ESRRA: variants seen among roughly 807,000 people sequenced by gnomAD.
ESRRA encodes the protein estrogen related receptor alpha.
A neutral mutation model predicts 35.6 loss-of-function variants in ESRRA; 7 were observed. The ratio of observed to expected loss-of-function variants is 0.20; its 90% CI spans 0.11 to 0.37. The LOEUF is 0.37. ESRRA is among the 10% of genes least tolerant of loss of function. The pLI, the probability that ESRRA is intolerant of heterozygous loss-of-function variation, is 1.00. For missense variants in ESRRA, 378 were observed against 561.7 expected (o/e 0.67, Z 3.31); for synonymous variants, 223 against 246.9 (o/e 0.90, Z 0.91).
In ESRRA at chr11:64,313,921, C is replaced by T. The variant is rs747115506; in HGVS notation, c.326-30C>T. The T allele has an allele frequency of 1.0e-5, 15 of 1,490,302 alleles. No individual in the cohort carries two copies. Among genetic ancestry groups the T allele is most frequent in the South Asian group, 2.5e-5 (2 of 80,316 alleles). 92.3% of individuals were successfully genotyped at this position (1,490,302 alleles called of 1,614,324 possible). On this transcript the variant is annotated intron_variant, in intron 2 of 6. Transcript: ENST00000000442. This position sits in a 1 kb window ranked among gnomAD's most constrained non-coding sequence, Gnocchi z 4.0. ...GGGTCCCCTCCCAGCCCCGGGAGGC[C>T]GCCACTGGAGCCCTGCCTCTTCCTG...
At chr11:64,314,157 C>A in intron 3 of ESRRA, 82 bp from the exon 4 acceptor site, 1 of 1,557,914 alleles carries the variant, frequency 6.4e-7, no homozygotes, top group Admixed American at 1.8e-5. Context: ...GGTGAGTGGA[C>A]TCGGGGAGGA....
rs1424318505 is a variant in ESRRA, at chr11:64,313,358, C to T, written c.326-593C>T. Among the ~76,000 whole-genome samples, 1 of 152,146 alleles carries T rather than the reference C, an allele frequency of 6.6e-6. No individual in the cohort carries two copies. The highest frequency in any genetic ancestry group is 2.4e-5 in the African/African-American group (1 of 41,424). On this transcript the variant is annotated intron_variant, in intron 2 of 6. Coordinates refer to ENST00000000442, the MANE Select transcript of ESRRA (RefSeq NM_004451.5). This position sits in a 1 kb window ranked among gnomAD's most constrained non-coding sequence, Gnocchi z 4.0. ...GGCAGCTGGAGAGATGGGTCTGGAG[C>T]TCACAGCAAGTCCAGGCTAGAGGTA...
chr11:64,306,887 C>T (rs1197108352), intron 1 of ESRRA: 3 of 327,074 alleles, frequency 9.2e-6, no homozygotes, highest in South Asian at 9.7e-5. Flanking sequence ...TTACCCTGCT[C>T]CCTGGCCTGG....
Position 64,316,002 on chromosome 11 carries a change from C to G in ESRRA, c.*36C>G. On this transcript the variant is annotated 3_prime_UTR_variant, in exon 7 of 7. Coordinates refer to ENST00000000442, the MANE Select transcript of ESRRA (RefSeq NM_004451.5). ...GGGACTGGTGGGGGTTCTGGCAGGA[C>G]CTGCCTAGCATGGGGTCAGCCCCAA... is the stretch of plus-strand genomic sequence containing the variant. 6.5e-7 allele frequency: 1 copy of G among 1,537,944 alleles called. No individual in the cohort carries two copies. The highest frequency in any genetic ancestry group is 8.8e-7 in the Non-Finnish European group (1 of 1,138,290).
intron 2 of ESRRA, among the ~76,000 whole-genome samples, chr11:64,310,800 G>A (rs1030033955): frequency 4.6e-5 from 7 of 151,912 alleles, no homozygotes; most frequent in African/African-American, 1.2e-4. Flanking sequence ...TGCCCTCCTC[G>A]GGCTTCCAAA....
Position 64,315,702 on chromosome 11 carries a change from T to C in ESRRA, c.1013-5T>C. ...GGCCAACACCACATTCCTCTCTTCT[T>C]GCAGACTCTGTGCACATCGAAGATG... On this transcript the variant is annotated splice_polypyrimidine_tract_variant and splice_region_variant and intron_variant, in intron 6 of 6. Transcript: ENST00000000442. 1 of 1,613,490 alleles carries C rather than the reference T, an allele frequency of 6.2e-7. No homozygotes were observed.
chr11:64,314,798 A>G lies in ESRRA; in HGVS notation c.629A>G (p.Tyr210Cys). The G allele has an allele frequency of 6.2e-7, 1 of 1,612,392 alleles. No homozygotes were observed. The highest frequency in any genetic ancestry group is 8.5e-7 in the Non-Finnish European group (1 of 1,180,000). Residue 210 changes from tyrosine (Y) to cysteine (C), a missense_variant, in exon 5 of 7, where the codon TAT becomes TGT. Tyr to Cys is a radical substitution (Grantham distance 194, BLOSUM62 -2). Transcript: ENST00000000442. ...CTGGTGGTTGAGCCTGAGAAGCTCT[A>G]TGCCATGCCTGACCCCGCAGGCCCT... is the stretch of plus-strand genomic sequence containing the variant. ...HLLVVEPEKL[Y>C]AMPDPAGPDG...
intron 5 of ESRRA, 44 bp downstream of exon 5, chr11:64,314,955 C>G: frequency 6.2e-7 from 1 of 1,602,020 alleles, no homozygotes; most frequent in Non-Finnish European, 8.5e-7. Flanking sequence ...ACGGGCCCGG[C>G]TCTGGTGCGC....
At chr11:64,308,815 CA>C (rs1265755324) in intron 2 of ESRRA, among the ~76,000 whole-genome samples, 1,459 of 58,738 alleles carry the variant, frequency 0.025, 11 homozygotes, top group Admixed American at 0.029. Flanking sequence ...GACTCCGTCT[CA>C]AAAAAAAAAA....
In ESRRA at chr11:64,316,688, C is replaced by T; in HGVS notation, c.*722C>T. On this transcript the variant is annotated 3_prime_UTR_variant, in exon 7 of 7. Coordinates refer to ENST00000000442, the MANE Select transcript of ESRRA (RefSeq NM_004451.5). ...ATGTATATTTGCTGCAAAGAGAAAC[C>T]GCTTTTGGTTTTAAACCTTTAATGA... 1 of 609,888 alleles carries T rather than the reference C, an allele frequency of 1.6e-6. No homozygotes were observed. The highest frequency in any genetic ancestry group is 2.1e-5 in the South Asian group (1 of 48,254). 37.8% of individuals were successfully genotyped at this position (609,888 alleles called of 1,614,324 possible). A position where few individuals can be genotyped will look rare whatever the true frequency, so the allele number is the denominator to read the frequency against.
chr11:64,307,158 C>G lies in ESRRA; in HGVS notation c.-12-10C>G, dbSNP rs1377701059. 2 of 1,551,404 alleles carry G rather than the reference C, an allele frequency of 1.3e-6. No individual in the cohort carries two copies. The highest frequency in any genetic ancestry group is 1.8e-6 in the Non-Finnish European group (2 of 1,142,170). On this transcript the variant is annotated splice_polypyrimidine_tract_variant and intron_variant, in intron 1 of 6. Coordinates refer to ENST00000000442, the MANE Select transcript of ESRRA (RefSeq NM_004451.5). ...TGCTTTCCTGCGAACCTATGGGTCT[C>G]TCCGTGCAGGTGACCAGCGCCATGT...
At chr11:64,306,920 C>T in intron 1 of ESRRA, 1 of 376,552 alleles carries the variant, frequency 2.7e-6, no homozygotes, top group Non-Finnish European at 4.7e-6. Flanking sequence ...GCTTTCTAAG[C>T]CTCCCCCAGG....
intron 1 of ESRRA, 58 bp from the exon 2 acceptor site, chr11:64,307,110 G>C: frequency 7.1e-7 from 1 of 1,414,514 alleles, no homozygotes; most frequent in Non-Finnish European, 9.5e-7. Context: ...GTGTGGCAGG[G>C]TGTCTCCCAT....
rs80310817 is a variant in ESRRA, at chr11:64,315,859, C to T, written c.1165C>T (p.Arg389Cys). Residue 389 changes from arginine (R) to cysteine (C), a missense_variant, in exon 7 of 7, where the codon CGC becomes TGC. Coordinates refer to ENST00000000442, the MANE Select transcript of ESRRA (RefSeq NM_004451.5). ...GRLLLTLPLL[R>C]QTAGKVLAHF... ...GCTGCTGCTCACGCTACCGCTCCTC[C>T]GCCAGACAGCGGGCAAAGTGCTGGC... is the stretch of plus-strand genomic sequence containing the variant. 0.031 allele frequency: 35,799 copies of T among 1,150,448 alleles called. 1 individual carries two copies. Among genetic ancestry groups the T allele is most frequent in the Admixed American group, 0.078 (2,358 of 30,214 alleles). The allele number at this position is 1,150,448 out of a possible 1,614,324, so 71.3% of individuals were successfully genotyped here.
rs1292104489 is a variant in ESRRA, at chr11:64,305,964, T to A, written c.-13+228T>A. 6.6e-6 allele frequency among the ~76,000 whole-genome samples: 1 copy of A among 151,906 alleles called. No individual in the cohort carries two copies. Among genetic ancestry groups the A allele is most frequent in the Non-Finnish European group, 1.5e-5 (1 of 67,934 alleles). On this transcript the variant is annotated intron_variant, in intron 1 of 6. Coordinates refer to ENST00000000442, the MANE Select transcript of ESRRA (RefSeq NM_004451.5). The surrounding 1 kb of genome is among the most constrained non-coding windows in gnomAD (Gnocchi z 5.8). ...GCCTGGGGCAGGATCTGGCTCTGGC[T>A]GCGGGTCCTGACTCGGGTCAGGGTT...
In ESRRA at chr11:64,314,221, T is replaced by C; in HGVS notation, c.443-18T>C. ...CCACAGCACCACAGTCACAGTCCTATCTGTCCCACAATTCAAGGAGTGCGC... is the reference window on the plus strand; with the variant it reads ...CCACAGCACCACAGTCACAGTCCTACCTGTCCCACAATTCAAGGAGTGCGC... On this transcript the variant is annotated intron_variant, in intron 3 of 6. Coordinates refer to ENST00000000442, the MANE Select transcript of ESRRA (RefSeq NM_004451.5). The C allele has an allele frequency of 6.2e-7, 1 of 1,603,538 alleles. No individual in the cohort carries two copies. Among genetic ancestry groups the C allele is most frequent in the Non-Finnish European group, 8.5e-7 (1 of 1,175,706 alleles).
chr11:64,316,616 G>C lies in ESRRA; in HGVS notation c.*650G>C. On this transcript the variant is annotated 3_prime_UTR_variant, in exon 7 of 7. Coordinates refer to ENST00000000442, the MANE Select transcript of ESRRA (RefSeq NM_004451.5). ...TGGCCAGGGAGGCGCAGGGACATGG[G>C]GCAAGCCAGGGCCCAGAGCCCTTGG... The C allele has an allele frequency of 2.1e-6, 1 of 484,260 alleles. No homozygotes were observed. The highest frequency in any genetic ancestry group is 3.9e-5 in the East Asian group (1 of 25,850). The allele number at this position is 484,260 out of a possible 1,614,324, so 30.0% of individuals were successfully genotyped here. A position where few individuals can be genotyped will look rare whatever the true frequency, so the allele number is the denominator to read the frequency against.
At position 64,314,309 on chromosome 11, in the gene ESRRA, C is replaced by G. The variant is rs775548023; in HGVS notation, c.513C>G (p.Pro171=). 1.3e-5 allele frequency: 21 copies of G among 1,609,320 alleles called. No individual in the cohort carries two copies. The highest frequency in any genetic ancestry group is 1.6e-5 in the Non-Finnish European group (19 of 1,178,418). ...YKRRPEVDPL[P]FPGPFPAGPL... is the part of the protein sequence containing the mutation. ...GGCGGCCGGAGGTGGACCCACTGCC[C>G]TTCCCGGGCCCCTTCCCTGCTGGGC... is the stretch of plus-strand genomic sequence containing the variant. Residue 171 remains proline (P), a synonymous_variant, in exon 4 of 7, where the codon CCC becomes CCG. Coordinates refer to ENST00000000442, the MANE Select transcript of ESRRA (RefSeq NM_004451.5).
At chr11:64,309,932 CAAAAAAA>C (rs35187370) in intron 2 of ESRRA, among the ~76,000 whole-genome samples, 5 of 74,566 alleles carry the variant, frequency 6.7e-5, no homozygotes, top group East Asian at 2.9e-4. Context: ...GAGTTCGTAT[CAAAAAAA>C]AAAAAAAAAA....
Sources: gnomAD v4.1 joint callset for allele counts (sites outside exome capture counted in the v4.1 genomes callset) on GRCh38, gnomAD v4.1.1 for gene constraint, Gnocchi (gnomAD v3.1) non-coding constraint, MANE v1.5 for transcripts, NCBI Gene and HGNC (gene_info 2026-07-23, HGNC 2026-07-21) for gene names.